ITGAX: variants seen among roughly 807,000 people sequenced by gnomAD.
ITGAX encodes the protein integrin alpha-X.
A neutral mutation model predicts 140.2 loss-of-function variants in ITGAX; 99 were observed. The ratio of observed to expected loss-of-function variants is 0.71; its 90% CI spans 0.60 to 0.83. The LOEUF (loss-of-function observed/expected upper bound fraction) is 0.83, where lower values mean the gene tolerates loss of function less well. Among genes scored for constraint, ITGAX ranks in the 40% least tolerant of loss-of-function variants. ITGAX has a pLI of 0.00. For synonymous variants in ITGAX, 631 were observed against 600.4 expected, an observed-to-expected ratio of 1.05 and a Z score of -0.75; for missense variants, 1,444 against 1,482.0, an observed-to-expected ratio of 0.97 and a Z score of 0.42.
rs752546467 is a variant in ITGAX, at chr16:31,359,724, T to C, written c.455T>C (p.Ile152Thr). The change falls in exon 6 of 30, where the codon ATT becomes ACT. Residue 152 changes from isoleucine to threonine, a missense_variant. Coordinates refer to ENST00000268296, the MANE Select transcript of ITGAX (RefSeq NM_000887.5). Reference protein sequence around the residue: ...RQECPRQEQDIVFLIDGSGSI... With the variant: ...RQECPRQEQDTVFLIDGSGSI... ...GAGTGCCCAAGACAGGAGCAGGACATTGTGTTCCTGATCGATGGCTCAGGC... is the reference window on the plus strand; with the variant it reads ...GAGTGCCCAAGACAGGAGCAGGACACTGTGTTCCTGATCGATGGCTCAGGC... The C allele has an allele frequency of 6.2e-7, 1 of 1,614,104 alleles. No individual in the cohort carries two copies. Among genetic ancestry groups the C allele is most frequent in the Non-Finnish European group, 8.5e-7 (1 of 1,179,994 alleles).
intron 11 of ITGAX, 123 bp from the exon 12 acceptor site, chr16:31,362,488 C>T (rs2080841132): frequency 8.2e-7 from 1 of 1,216,346 alleles, no homozygotes. Flanking sequence ...ATGGGGGCTG[C>T]ATTGCCCAGG....
rs1476680368 is a variant in ITGAX at position 31,357,145 on chromosome 16, A to G, written c.318+44A>G. ...CAGGAGGCTTCTGAGGGAGGGAGGGAGGAGCCGGGGCCGCGGGGGGCTGGG... is the reference window on the plus strand; with the variant it reads ...CAGGAGGCTTCTGAGGGAGGGAGGGGGGAGCCGGGGCCGCGGGGGGCTGGG... On this transcript the variant is annotated intron_variant, in intron 4 of 29. Transcript: ENST00000268296. 3 of 1,583,732 alleles carry G rather than the reference A, an allele frequency of 1.9e-6. No homozygotes were observed. In the South Asian group the frequency reaches 3.3e-5, roughly 18 times the overall value.
chr16:31,369,236 G>C (rs986701036), intron 14 of ITGAX, among the ~76,000 whole-genome samples: 1 of 148,210 alleles, frequency 6.7e-6, no homozygotes, highest in East Asian at 2.0e-4. Flanking sequence ...CGGGCGGGGG[G>C]CTGACCCCCC....
rs761842960 is a variant in ITGAX, at chr16:31,356,646, A to G, written c.165A>G (p.Gln55=). Residue 55 remains glutamine, a synonymous_variant, in exon 3 of 30, where the codon CAA becomes CAG. Coordinates refer to ENST00000268296, the MANE Select transcript of ITGAX (RefSeq NM_000887.5). ...GCAGGGTGGTGGTTGGAGCCCCCCA[A>G]AAGATAACAGCTGCCAACCAAACGG... ...ANSWVVVGAP[Q]KITAANQTGG... is the part of the protein sequence containing the mutation. 5.0e-6 allele frequency: 8 copies of G among 1,600,724 alleles called. No individual in the cohort carries two copies. In the East Asian group the frequency reaches 1.8e-4, roughly 36 times the overall value.
rs1015052631 is a variant in ITGAX at position 31,372,517 on chromosome 16, C to T, written c.2292+8C>T. ...AGATACTTCACGGCCTCCGTGAGTC[C>T]TGGCACTGGGTCTCCCAGAGAGGGT... On this transcript the variant is annotated splice_region_variant and intron_variant, in intron 18 of 29. Transcript: ENST00000268296. The T allele has an allele frequency of 2.5e-6, 4 of 1,611,064 alleles. No homozygotes were observed. The African/African-American group carries it at 5.3e-5, about 22-fold the overall frequency.
At chr16:31,372,768 T>A in intron 19 of ITGAX, 98 bp downstream of exon 19, 2 of 1,199,026 alleles carry the variant, frequency 1.7e-6, no homozygotes, top group Non-Finnish European at 2.4e-6. Context: ...TCTCATCCTA[T>A]AGTCAAAACC....
At position 31,381,934 on chromosome 16, in the gene ITGAX, C is replaced by T. The variant is rs764562420; in HGVS notation, c.*27C>T. 5 of 1,083,312 alleles carry T rather than the reference C, an allele frequency of 4.6e-6. No individual in the cohort carries two copies. Among genetic ancestry groups the T allele is most frequent in the Non-Finnish European group, 7.2e-6 (5 of 695,960 alleles). 67.1% of individuals were successfully genotyped at this position (1,083,312 alleles called of 1,614,324 possible). The stretch of plus-strand genomic sequence containing the variant: ...CCCCTCTTTGCCTTGGACTTCTTCT[C>T]CCCCGCGAGTTTTCCCCACTTACTT... On this transcript the variant is annotated 3_prime_UTR_variant, in exon 30 of 30. Transcript: ENST00000268296.
At chr16:31,360,229 G>C (rs543652980) in intron 7 of ITGAX, 81 bp from the exon 8 acceptor site, 438 of 1,523,288 alleles carry the variant, frequency 2.9e-4, no homozygotes, top group Non-Finnish European at 3.4e-4. Context: ...AAAGGAAAAG[G>C]CATCTTCTAA....
chr16:31,357,507 G>A (rs889567157), intron 5 of ITGAX, 143 bp downstream of exon 5: 2 of 609,998 alleles, frequency 3.3e-6, no homozygotes, highest in Non-Finnish European at 5.7e-6. Context: ...GGTTCCTGAC[G>A]CTGCTGCCCG....
rs2081024252 is a variant in ITGAX, at chr16:31,376,894, C to A, written c.2604C>A (p.Leu868=). 1 of 1,614,142 alleles carries A rather than the reference C, an allele frequency of 6.2e-7. No homozygotes were observed. Among genetic ancestry groups the A allele is most frequent in the Non-Finnish European group, 8.5e-7 (1 of 1,180,058 alleles). ...GCACCAGCTGCAGAATCAACCACCT[C>A]ATCTTCCGTGGCGGCGCCCAGGTCA... The part of the protein sequence containing the change: ...TWSTSCRINH[L]IFRGGAQITF... The change falls in exon 21 of 30, where the codon CTC becomes CTA. Residue 868 remains leucine (L), a synonymous_variant. Coordinates refer to ENST00000268296, the MANE Select transcript of ITGAX (RefSeq NM_000887.5).
Position 31,372,360 on chromosome 16 carries a change from G to A in ITGAX, c.2161-18G>A, listed in dbSNP as rs536640362. ...ACCCTCCCCTTACCCTCCGCTCCCC[G>A]CGACGCCCGTCCCCCAGAGCTGCGT... On this transcript the variant is annotated intron_variant, in intron 17 of 29. Coordinates refer to ENST00000268296, the MANE Select transcript of ITGAX (RefSeq NM_000887.5). 31 of 1,589,408 alleles carry A rather than the reference G, an allele frequency of 2.0e-5. No individual in the cohort carries two copies. The highest frequency in any genetic ancestry group is 8.0e-5 in the South Asian group (7 of 87,724).
In ITGAX at chr16:31,360,127, C is replaced by A. The variant is rs539626927; in HGVS notation, c.707+62C>A. ...ACCCAGGTCTTCCCTTGGGCCTCATCTGTCTCCACGAGAAGGGGACAGGCA... is the reference window on the plus strand; with the variant it reads ...ACCCAGGTCTTCCCTTGGGCCTCATATGTCTCCACGAGAAGGGGACAGGCA... On this transcript the variant is annotated intron_variant, in intron 7 of 29. Transcript: ENST00000268296. 41 of 1,592,752 alleles carry A rather than the reference C, an allele frequency of 2.6e-5. No individual in the cohort carries two copies. In the Admixed American group the frequency reaches 4.9e-4, roughly 19 times the overall value.
chr16:31,362,685 G>A lies in ITGAX; in HGVS notation c.1291G>A (p.Gly431Arg), dbSNP rs554674355. ...VLGAPRYQHTGKAVIFTQVSR... is the reference protein window; with the variant it reads ...VLGAPRYQHTRKAVIFTQVSR... ...GGGGGCCCCCCGCTACCAGCACACC[G>A]GGAAGGCTGTCATCTTCACCCAGGT... The change falls in exon 12 of 30, where the codon GGG (glycine) becomes AGG (arginine). Residue 431 changes from glycine (G) to arginine (R), a missense_variant. Coordinates refer to ENST00000268296, the MANE Select transcript of ITGAX (RefSeq NM_000887.5). 37 of 1,613,860 alleles carry A rather than the reference G, an allele frequency of 2.3e-5. No individual in the cohort carries two copies. Among genetic ancestry groups the A allele is most frequent in the South Asian group, 3.3e-5 (3 of 91,070 alleles).
rs761207440 is a variant in ITGAX at position 31,381,930 on chromosome 16, T to C, written c.*23T>C. ...TGATCCCCTCTTTGCCTTGGACTTC[T>C]TCTCCCCCGCGAGTTTTCCCCACTT... On this transcript the variant is annotated 3_prime_UTR_variant, in exon 30 of 30. Transcript: ENST00000268296. 1 of 1,063,808 alleles carries C rather than the reference T, an allele frequency of 9.4e-7. No individual in the cohort carries two copies. The highest frequency in any genetic ancestry group is 1.5e-6 in the Non-Finnish European group (1 of 677,714). 65.9% of individuals were successfully genotyped at this position (1,063,808 alleles called of 1,614,324 possible).
chr16:31,359,813 CAG>C lies in ITGAX; in HGVS notation c.548_549del (p.Arg183ThrfsTer65). On this transcript the variant is annotated frameshift_variant, in exon 6 of 30. Coordinates refer to ENST00000268296, the MANE Select transcript of ITGAX (RefSeq NM_000887.5). LOFTEE classifies it high-confidence loss of function. ...NFVRAVISQF[Q>X]RPSTQFSLMQ... ...CGTGAGAGCTGTGATAAGCCAGTTC[CAG>C]AGACCCAGCACCCAGGTGTGCCTTT... 6.2e-7 allele frequency: 1 copy of C among 1,614,172 alleles called. No homozygotes were observed. Among genetic ancestry groups the C allele is most frequent in the East Asian group, 2.2e-5 (1 of 44,886 alleles).
intron 5 of ITGAX, among the ~76,000 whole-genome samples, chr16:31,359,131 C>A (rs1106398): frequency 1.3e-5 from 2 of 151,848 alleles, no homozygotes; most frequent in East Asian, 3.9e-4. Context: ...GACCTTCACT[C>A]TTTTGTTGAT....
intron 15 of ITGAX, 21 bp downstream of exon 15, chr16:31,371,235 AG>A: frequency 6.2e-7 from 1 of 1,601,864 alleles, no homozygotes; most frequent in South Asian, 1.1e-5. Context: ...CCTTTCTCAG[AG>A]GCTCCCCAGG....
intron 1 of ITGAX, 112 bp from the exon 2 acceptor site, chr16:31,355,781 C>A: frequency 1.3e-6 from 1 of 782,666 alleles, no homozygotes; most frequent in Non-Finnish European, 2.2e-6. Flanking sequence ...AAGACCCAGG[C>A]ACCCCGGGCA....
intron 8 of ITGAX, 163 bp downstream of exon 8, chr16:31,360,626 C>T (rs2080813889): frequency 3.1e-6 from 2 of 643,070 alleles, no homozygotes; most frequent in Non-Finnish European, 2.6e-6. Flanking sequence ...CTCCAGTGAT[C>T]CTCCCACCCC....
Sources: gnomAD v4.1 joint callset for allele counts (sites outside exome capture counted in the v4.1 genomes callset) on GRCh38, gnomAD v4.1.1 for gene constraint, MANE v1.5 for transcripts, NCBI Gene and HGNC (gene_info 2026-07-23, HGNC 2026-07-21) for gene names.